Variants in DDX50 observed in about 807,000 individuals in gnomAD.
DDX50 encodes DExD-box helicase 50, also known as ATP-dependent RNA helicase DDX50.
In DDX50, 56 loss-of-function variants were observed where a neutral mutation model predicts 94.8. That is an observed-to-expected ratio of 0.59 (90% CI 0.48 to 0.74). The LOEUF is 0.74. DDX50 is among the 30% of genes least tolerant of loss of function. The pLI, the probability that DDX50 is intolerant of heterozygous loss-of-function variation, is 0.00. For missense variants in DDX50, 713 were observed against 881.2 expected, an observed-to-expected ratio of 0.81 and a Z score of 2.42; for synonymous variants, 264 against 295.4, an observed-to-expected ratio of 0.89 and a Z score of 1.09.
intron 1 of DDX50, among the ~76,000 whole-genome samples, chr10:68,903,207 A>G (rs962214957): frequency 3.9e-5 from 6 of 152,042 alleles, no homozygotes; most frequent in Admixed American, 2.6e-4. Context: ...AAGTTTAGGT[A>G]GAGTTTTGTA....
chr10:68,919,021 C>T, intron 7 of DDX50, among the ~76,000 whole-genome samples: 1 of 152,098 alleles, frequency 6.6e-6, no homozygotes, highest in African/African-American at 2.4e-5. Flanking sequence ...GTGTTCAGTA[C>T]AGTAACATGC....
intron 8 of DDX50, among the ~76,000 whole-genome samples, chr10:68,929,185 G>T (rs149864180): frequency 1.3e-5 from 2 of 151,660 alleles, no homozygotes; most frequent in African/African-American, 2.4e-5. Context: ...GACCTCAAGC[G>T]GTCCACCCAC....
chr10:68,935,145 C>G (rs1842374044), intron 10 of DDX50, among the ~76,000 whole-genome samples: 1 of 151,934 alleles, frequency 6.6e-6, no homozygotes, highest in Non-Finnish European at 1.5e-5. Flanking sequence ...TTGAATTTCT[C>G]TCTTCATACT....
chr10:68,918,496 C>T (rs549477497), intron 7 of DDX50, among the ~76,000 whole-genome samples: 145 of 141,460 alleles, frequency 1.0e-3, no homozygotes, highest in Non-Finnish European at 1.2e-3. Flanking sequence ...AGTGCAGTGG[C>T]CTAATTTTGG....
intron 3 of DDX50, 62 bp from the exon 4 acceptor site, chr10:68,911,006 T>TG: frequency 1.5e-5 from 18 of 1,227,346 alleles, no homozygotes; most frequent in Non-Finnish European, 1.8e-5. Flanking sequence ...CATTTTCAAA[T>TG]GAATATATTT....
chr10:68,934,194 A>G lies in DDX50; in HGVS notation c.1240-5A>G, dbSNP rs1842346816. ...CACTTAATTTTCTCCCCCTTTCTCA[A>G]ATAGAATGCCCAGTGTTTACATGGG... On this transcript the variant is annotated splice_polypyrimidine_tract_variant and splice_region_variant and intron_variant, in intron 8 of 14. Transcript: ENST00000373585. The surrounding 1 kb of genome is among the most constrained non-coding windows in gnomAD (Gnocchi z 4.0). 2 of 1,608,724 alleles carry G rather than the reference A, an allele frequency of 1.2e-6. No individual in the cohort carries two copies. Among genetic ancestry groups the G allele is most frequent in the Non-Finnish European group, 1.7e-6 (2 of 1,178,438 alleles).
chr10:68,907,065 A>AT, intron 2 of DDX50, 58 bp downstream of exon 2: 1 of 1,488,286 alleles, frequency 6.7e-7, no homozygotes, highest in Non-Finnish European at 9.0e-7. Flanking sequence ...GTTGATTTGA[A>AT]TTTTTTTAGG....
chr10:68,910,237 A>C (rs1321753119), intron 2 of DDX50, 70 bp from the exon 3 acceptor site: 3 of 1,351,958 alleles, frequency 2.2e-6, no homozygotes, highest in Non-Finnish European at 3.1e-6. Context: ...TTAATCTGTA[A>C]AAAATTAAAA....
intron 8 of DDX50, among the ~76,000 whole-genome samples, chr10:68,933,260 G>A (rs1842319997): frequency 6.6e-6 from 1 of 151,966 alleles, no homozygotes; most frequent in Non-Finnish European, 1.5e-5. Flanking sequence ...AGTAGAGACA[G>A]AGTTTCACCA....
intron 12 of DDX50, among the ~76,000 whole-genome samples, chr10:68,937,352 G>A (rs1441061915): frequency 6.6e-6 from 1 of 151,616 alleles, no homozygotes; most frequent in East Asian, 1.9e-4. Flanking sequence ...ACTGTTAAAA[G>A]TCTGTATCAT....
intron 1 of DDX50, among the ~76,000 whole-genome samples, chr10:68,904,094 A>G (rs1199234433): frequency 1.3e-5 from 2 of 151,880 alleles, no homozygotes; most frequent in East Asian, 1.9e-4. Flanking sequence ...CAGTGAGCCA[A>G]GATCACGTCA....
At chr10:68,908,086 A>G (rs1250015310) in intron 2 of DDX50, among the ~76,000 whole-genome samples, 1 of 152,178 alleles carries the variant, frequency 6.6e-6, no homozygotes. Context: ...AAAACATACT[A>G]TAGCTGTATA....
chr10:68,946,431 C>T lies in DDX50; in HGVS notation c.2015C>T (p.Thr672Ile). 6.2e-7 allele frequency: 1 copy of T among 1,614,242 alleles called. No homozygotes were observed. The highest frequency in any genetic ancestry group is 8.5e-7 in the Non-Finnish European group (1 of 1,180,044). The change falls in exon 15 of 15, where the codon ACA becomes ATA. Residue 672 changes from threonine (T) to isoleucine (I), a missense_variant. By Grantham distance (89) the Thr-to-Ile change is moderately conservative. Coordinates refer to ENST00000373585, the MANE Select transcript of DDX50 (RefSeq NM_024045.2). ...PEIEEYYDGN[T>I]SSNSRQRSGW... ...ATTGAAGAATATTATGATGGAAACA[C>T]ATCTTCTAATTCCAGACAGAGGAGT...
At chr10:68,908,409 C>G (rs2132023168) in intron 2 of DDX50, among the ~76,000 whole-genome samples, 1 of 144,572 alleles carries the variant, frequency 6.9e-6, no homozygotes, top group Non-Finnish European at 1.5e-5. Context: ...CGAGATTGCA[C>G]CATTGCACTC....
intron 8 of DDX50, among the ~76,000 whole-genome samples, chr10:68,922,788 TTCTC>T (rs1251337072): frequency 6.8e-6 from 1 of 147,218 alleles, no homozygotes; most frequent in Non-Finnish European, 1.5e-5. Context: ...GTATGACCCT[TTCTC>T]TCTCTTTTTT....
chr10:68,901,451 C>A lies in DDX50; in HGVS notation c.67C>A (p.Gln23Lys). Residue 23 changes from glutamine (Q) to lysine (K), a missense_variant, in exon 1 of 15, where the codon CAG (glutamine) becomes AAG (lysine). Coordinates refer to ENST00000373585, the MANE Select transcript of DDX50 (RefSeq NM_024045.2). ...AGCACCCTTGGAGGAGTCCGAGAGC[C>A]AGAAGAAGGAGAGGCAAAAGGTGCG... ...LEAPLEESES[Q>K]KKERQKSDRR... 6.4e-7 allele frequency: 1 copy of A among 1,574,146 alleles called. No homozygotes were observed.
intron 14 of DDX50, 31 bp downstream of exon 14, chr10:68,943,288 TGA>T: frequency 6.5e-7 from 1 of 1,545,118 alleles, no homozygotes; most frequent in Non-Finnish European, 8.9e-7. Context: ...TTTAAATGGT[TGA>T]GTACATTCTC....
chr10:68,901,661 A>T (rs1217316205), intron 1 of DDX50, among the ~76,000 whole-genome samples, 190 bp downstream of exon 1: 3 of 152,108 alleles, frequency 2.0e-5, no homozygotes, highest in Non-Finnish European at 4.4e-5. Flanking sequence ...CTGGAGAAAG[A>T]TGGCCCTGGG....
chr10:68,905,735 A>G (rs1468903279), intron 1 of DDX50, among the ~76,000 whole-genome samples: 1 of 152,194 alleles, frequency 6.6e-6, no homozygotes, highest in African/African-American at 2.4e-5. Flanking sequence ...AACAGGGTGA[A>G]ACCTCGTTTC....
Sources: allele counts gnomAD v4.1 joint callset (sites outside exome capture counted in the v4.1 genomes callset), GRCh38; gene constraint gnomAD v4.1.1; non-coding constraint Gnocchi (gnomAD v3.1); transcripts MANE v1.5; gene names NCBI Gene and HGNC (gene_info 2026-07-23, HGNC 2026-07-21).